ICA1: variants seen among roughly 807,000 people sequenced by gnomAD.
ICA1 encodes the protein 69 kDa islet cell autoantigen.
A neutral mutation model predicts 71.0 loss-of-function variants in ICA1; 40 were observed. The ratio of observed to expected loss-of-function variants is 0.56; its 90% CI spans 0.44 to 0.73. ICA1 has a LOEUF of 0.73. Among genes scored for constraint, ICA1 ranks in the 30% least tolerant of loss-of-function variants. The pLI is 0.00. For synonymous variants in ICA1, 207 were observed against 209.5 expected (o/e 0.99, Z 0.10); for missense variants, 578 against 576.5 (o/e 1.00, Z -0.03).
intron 8 of ICA1, among the ~76,000 whole-genome samples, chr7:8,155,348 T>G (rs536348559): frequency 6.6e-6 from 1 of 152,350 alleles, no homozygotes; most frequent in East Asian, 1.9e-4. Context: ...CACTAAATTC[T>G]CTGCCCAGAA....
intron 1 of ICA1, chr7:8,236,749 T>G (rs1481525694): frequency 2.0e-5 from 3 of 152,334 alleles, no homozygotes. Context: ...CTCCATTTGC[T>G]CCACTCATGG....
chr7:8,201,285 G>A (rs559073620), intron 6 of ICA1, among the ~76,000 whole-genome samples: 2 of 152,112 alleles, frequency 1.3e-5, no homozygotes, highest in Admixed American at 1.3e-4. Flanking sequence ...CTTGAAACTC[G>A]GGCTTTTTAA....
intron 1 of ICA1, among the ~76,000 whole-genome samples, chr7:8,245,002 T>TG (rs1805427863): frequency 6.6e-6 from 1 of 152,160 alleles, no homozygotes; most frequent in Admixed American, 6.6e-5. Flanking sequence ...GACAGTGTGG[T>TG]GATTCCTCAA....
At chr7:8,135,143 C>T (rs1192620270) in intron 12 of ICA1, among the ~76,000 whole-genome samples, 1 of 152,098 alleles carries the variant, frequency 6.6e-6, no homozygotes, top group Non-Finnish European at 1.5e-5. Context: ...TCTTCTGCCT[C>T]AGCCTCCAGA....
chr7:8,177,418 G>A (rs905608446), intron 6 of ICA1, among the ~76,000 whole-genome samples: 2 of 152,088 alleles, frequency 1.3e-5, no homozygotes, highest in African/African-American at 4.8e-5. Flanking sequence ...CAGGTCATTA[G>A]TGGAAGCATT....
At chr7:8,182,773 T>G (rs1782606988) in intron 6 of ICA1, among the ~76,000 whole-genome samples, 1 of 152,248 alleles carries the variant, frequency 6.6e-6, no homozygotes, top group Admixed American at 6.5e-5. Context: ...ATGTTACAGC[T>G]TTCTATCTAT....
intron 6 of ICA1, among the ~76,000 whole-genome samples, chr7:8,179,764 TC>T (rs373926431): frequency 0.014 from 2,059 of 151,798 alleles, 42 homozygotes; most frequent in African/African-American, 0.046. Context: ...CTTTTTTTTT[TC>T]CCACATTTTT....
chr7:8,179,537 G>A (rs914042101), intron 6 of ICA1, among the ~76,000 whole-genome samples: 6 of 152,204 alleles, frequency 3.9e-5, no homozygotes, highest in African/African-American at 1.4e-4. Context: ...AAGAAATGTT[G>A]TATAACAACT....
intron 1 of ICA1, among the ~76,000 whole-genome samples, chr7:8,252,161 A>G: frequency 6.6e-6 from 1 of 152,228 alleles, no homozygotes; most frequent in East Asian, 1.9e-4. Flanking sequence ...TGGTTTACAT[A>G]AATTTCAAAT....
chr7:8,239,194 A>G (rs1802884845), intron 1 of ICA1, among the ~76,000 whole-genome samples: 2 of 152,240 alleles, frequency 1.3e-5, no homozygotes, highest in Non-Finnish European at 2.9e-5. Context: ...AGAGACAATT[A>G]ATAAACATCT....
At chr7:8,211,708 T>C (rs1793851863) in intron 6 of ICA1, among the ~76,000 whole-genome samples, 1 of 152,216 alleles carries the variant, frequency 6.6e-6, no homozygotes, top group Non-Finnish European at 1.5e-5. Context: ...TTACCACAAT[T>C]AAAAAATTTT....
intron 6 of ICA1, among the ~76,000 whole-genome samples, chr7:8,210,270 C>A (rs1414829492): frequency 6.6e-6 from 1 of 152,136 alleles, no homozygotes; most frequent in East Asian, 1.9e-4. Context: ...CATGTGGAGA[C>A]TGAATAATGG....
At chr7:8,243,572 T>C (rs1485826833) in intron 1 of ICA1, among the ~76,000 whole-genome samples, 2 of 152,126 alleles carry the variant, frequency 1.3e-5, no homozygotes, top group African/African-American at 4.8e-5. Context: ...GCCAGGGCAA[T>C]CAGGCAAGAG....
At chr7:8,221,605 T>C (rs1797108374) in intron 4 of ICA1, among the ~76,000 whole-genome samples, 1 of 152,126 alleles carries the variant, frequency 6.6e-6, no homozygotes, top group Admixed American at 6.6e-5. Context: ...GAGATCAAAT[T>C]CACTTGAATA....
At chr7:8,245,808 C>A (rs1805774825) in intron 1 of ICA1, among the ~76,000 whole-genome samples, 1 of 152,086 alleles carries the variant, frequency 6.6e-6, no homozygotes, top group South Asian at 2.1e-4. Context: ...TACTCAAGAG[C>A]CACACGGGGT....
intron 10 of ICA1, among the ~76,000 whole-genome samples, chr7:8,140,528 G>A (rs1296561712): frequency 6.6e-6 from 1 of 152,212 alleles, no homozygotes; most frequent in African/African-American, 2.4e-5. Flanking sequence ...CACCAAAGCT[G>A]GAGCTGCTGG....
In ICA1 at chr7:8,116,592, A is replaced by G. The variant is rs573463151; in HGVS notation, c.1331-2548T>C. On this transcript the variant is annotated intron_variant, in intron 13 of 13. Transcript: ENST00000402384. The stretch of plus-strand genomic sequence containing the variant: ...TTGCTTTTTAGCTTTATTTATGCCC[A>G]TTTTTCTTCTCAAGCACAATCGTTT... 366 of 152,280 alleles carry G rather than the reference A, an allele frequency of 2.4e-3. 2 individuals carry two copies. Among genetic ancestry groups the G allele is most frequent in the African/African-American group, 8.6e-3 (356 of 41,572 alleles). The allele number at this position is 152,280 out of a possible 1,614,324, so 9.4% of individuals were successfully genotyped here.
intron 6 of ICA1, among the ~76,000 whole-genome samples, chr7:8,168,998 G>A (rs758041734): frequency 9.2e-5 from 14 of 151,996 alleles, no homozygotes; most frequent in Non-Finnish European, 1.9e-4. Flanking sequence ...AAAAGTTCCC[G>A]TTGTAGTCAA....
chr7:8,247,145 C>T (rs984093768), intron 1 of ICA1, among the ~76,000 whole-genome samples: 5 of 152,096 alleles, frequency 3.3e-5, no homozygotes, highest in African/African-American at 1.2e-4. Flanking sequence ...TCATTACTTG[C>T]TAGAGCCATT....
Sources: allele counts gnomAD v4.1 joint callset (sites outside exome capture counted in the v4.1 genomes callset), GRCh38; gene constraint gnomAD v4.1.1; transcripts MANE v1.5; gene names NCBI Gene and HGNC (gene_info 2026-07-23, HGNC 2026-07-21).